Variants in GALNTL6 observed in about 807,000 individuals in gnomAD.
GALNTL6 encodes the protein polypeptide N-acetylgalactosaminyltransferase like 6.
In GALNTL6, 46 loss-of-function variants were observed where a neutral mutation model predicts 73.7. The ratio of observed to expected loss-of-function variants is 0.62; its 90% CI spans 0.49 to 0.80. GALNTL6 has a LOEUF of 0.80. Among genes scored for constraint, GALNTL6 ranks in the 30% least tolerant of loss-of-function variants. The pLI is 0.00. For missense variants in GALNTL6, 604 were observed against 755.0 expected (o/e 0.80, Z 2.34); for synonymous variants, 259 against 263.7 (o/e 0.98, Z 0.17).
intron 5 of GALNTL6, among the ~76,000 whole-genome samples, chr4:172,597,911 C>CT (rs141269590): frequency 0.011 from 1,734 of 151,542 alleles, 35 homozygotes; most frequent in African/African-American, 0.04. Flanking sequence ...ATGCTTCTGC[C>CT]TTTTCATTTC....
intron 5 of GALNTL6, among the ~76,000 whole-genome samples, chr4:172,569,382 A>G (rs1291094291): frequency 3.3e-5 from 5 of 152,134 alleles, no homozygotes; most frequent in Admixed American, 6.5e-5. Flanking sequence ...GAAAGGCCCC[A>G]TCTCCAAATA....
At chr4:172,210,485 T>C (rs185208460) in intron 2 of GALNTL6, among the ~76,000 whole-genome samples, 1 of 152,272 alleles carries the variant, frequency 6.6e-6, no homozygotes, top group Non-Finnish European at 1.5e-5. Flanking sequence ...TTAGGAATAC[T>C]GGTTAGGCAT....
At chr4:172,565,395 C>T (rs1736518731) in intron 5 of GALNTL6, among the ~76,000 whole-genome samples, 1 of 152,080 alleles carries the variant, frequency 6.6e-6, no homozygotes, top group Non-Finnish European at 1.5e-5. Context: ...TGTGATGTAT[C>T]ACATTACTCG....
intron 5 of GALNTL6, among the ~76,000 whole-genome samples, chr4:172,672,499 A>G (rs912117171): frequency 2.0e-5 from 3 of 152,170 alleles, no homozygotes; most frequent in African/African-American, 7.2e-5. Context: ...ATCATGGCCA[A>G]GTTTTGCTAT....
chr4:172,924,412 T>C (rs1747943477), intron 8 of GALNTL6, among the ~76,000 whole-genome samples: 1 of 152,230 alleles, frequency 6.6e-6, no homozygotes, highest in Admixed American at 6.5e-5. Context: ...AGCTTCTGTC[T>C]GGGACGGATG....
intron 3 of GALNTL6, among the ~76,000 whole-genome samples, chr4:172,230,772 T>C (rs1737034965): frequency 6.6e-6 from 1 of 152,020 alleles, no homozygotes; most frequent in Admixed American, 6.6e-5. Context: ...GTCACAGAAA[T>C]GGAGCAGCTA....
At chr4:172,350,210 T>C (rs1010318014) in intron 5 of GALNTL6, among the ~76,000 whole-genome samples, 1 of 152,178 alleles carries the variant, frequency 6.6e-6, no homozygotes, top group Admixed American at 6.6e-5. Context: ...TTTGATTATC[T>C]TGGTAAACTA....
At chr4:172,014,496 A>G (rs147604883) in intron 2 of GALNTL6, among the ~76,000 whole-genome samples, 230 of 151,696 alleles carry the variant, frequency 1.5e-3, no homozygotes, top group Middle Eastern at 6.8e-3. Flanking sequence ...GTTTTCATAT[A>G]CCTGTTTGCC....
chr4:172,861,669 T>G (rs1744401150), intron 7 of GALNTL6, among the ~76,000 whole-genome samples: 1 of 152,154 alleles, frequency 6.6e-6, no homozygotes, highest in South Asian at 2.1e-4. Flanking sequence ...AGGGACCCAG[T>G]GGGAGGTAAT....
chr4:172,468,811 A>G (rs942536871), intron 5 of GALNTL6, among the ~76,000 whole-genome samples: 28 of 152,158 alleles, frequency 1.8e-4, no homozygotes, highest in Non-Finnish European at 7.4e-5. Context: ...TATTTGTGCA[A>G]ATATTAAATT....
chr4:172,947,062 C>T (rs879385053), intron 9 of GALNTL6, among the ~76,000 whole-genome samples: 1 of 151,994 alleles, frequency 6.6e-6, no homozygotes, highest in African/African-American at 2.4e-5. Context: ...GAAATTTTAG[C>T]CAGGGAGAAA....
chr4:172,984,047 A>T (rs1751188603), intron 10 of GALNTL6, among the ~76,000 whole-genome samples: 1 of 152,148 alleles, frequency 6.6e-6, no homozygotes, highest in Non-Finnish European at 1.5e-5. Flanking sequence ...GTGTTTGTGC[A>T]ATGGGAGATG....
intron 2 of GALNTL6, among the ~76,000 whole-genome samples, chr4:172,190,634 G>C (rs1242443335): frequency 6.6e-6 from 1 of 152,212 alleles, no homozygotes; most frequent in Non-Finnish European, 1.5e-5. Flanking sequence ...CATGGAGGGA[G>C]AGAGGTCTAT....
chr4:172,597,950 G>A (rs1252963253), intron 5 of GALNTL6, among the ~76,000 whole-genome samples: 4 of 150,726 alleles, frequency 2.7e-5, no homozygotes, highest in Non-Finnish European at 5.9e-5. Flanking sequence ...AAGATATTTG[G>A]CTCAGATTTC....
intron 2 of GALNTL6, among the ~76,000 whole-genome samples, chr4:172,182,522 C>T (rs1182336755): frequency 2.5e-5 from 3 of 118,200 alleles, no homozygotes; most frequent in African/African-American, 6.7e-5. Context: ...ATTTAAAATA[C>T]ATAATTTAAA....
intron 7 of GALNTL6, among the ~76,000 whole-genome samples, chr4:172,841,559 A>ATGGC (rs775753915): frequency 6.6e-6 from 1 of 152,230 alleles, no homozygotes; most frequent in Non-Finnish European, 1.5e-5. Flanking sequence ...ACTGTTCCAC[A>ATGGC]TGGCTGGGGA....
chr4:172,179,540 T>C lies in GALNTL6; in HGVS notation c.139-50116T>C, dbSNP rs569480433. 2.7e-4 allele frequency among the ~76,000 whole-genome samples: 38 copies of C among 142,804 alleles called. No individual in the cohort carries two copies. In the South Asian group the frequency reaches 8.2e-3, roughly 31 times the overall value. 93.7% of individuals were successfully genotyped at this position (142,804 alleles called of 152,430 possible). ...CTTGTAAATTTGTTGGAGTTCATTGTAGATTCTGGATATTAGCCCTTTGTC... is the reference window on the plus strand; with the variant it reads ...CTTGTAAATTTGTTGGAGTTCATTGCAGATTCTGGATATTAGCCCTTTGTC... On this transcript the variant is annotated intron_variant, in intron 2 of 12. Coordinates refer to ENST00000506823, the MANE Select transcript of GALNTL6 (RefSeq NM_001034845.3).
intron 5 of GALNTL6, among the ~76,000 whole-genome samples, chr4:172,588,708 A>G (rs1737519278): frequency 6.6e-6 from 1 of 152,190 alleles, no homozygotes; most frequent in Non-Finnish European, 1.5e-5. Context: ...AACCACAGAT[A>G]AATGCTACAG....
chr4:171,859,756 G>A lies in GALNTL6; in HGVS notation c.138+45038G>A, dbSNP rs1028614299. Among the ~76,000 whole-genome samples, 12 of 152,294 alleles carry A rather than the reference G, an allele frequency of 7.9e-5. No individual in the cohort carries two copies. In the East Asian group the frequency reaches 1.2e-3, roughly 15 times the overall value. ...CTGAGCTTTGGTGTCCAGGGTTTAT[G>A]TTTGAGGTCAGATAAGCATGTAGTG... On this transcript the variant is annotated intron_variant, in intron 2 of 12. Transcript: ENST00000506823.
Sources: gnomAD v4.1 joint callset for allele counts (sites outside exome capture counted in the v4.1 genomes callset) on GRCh38, gnomAD v4.1.1 for gene constraint, MANE v1.5 for transcripts, NCBI Gene and HGNC (gene_info 2026-07-23, HGNC 2026-07-21) for gene names.